Variants in PARD3 observed in about 807,000 individuals in gnomAD.
The protein encoded by PARD3 is par-3 family cell polarity regulator.
In PARD3, 75 loss-of-function variants were observed where a neutral mutation model predicts 155.4. That is an observed-to-expected ratio of 0.48 (90% CI 0.40 to 0.58). The LOEUF is 0.58. Ranked by LOEUF, PARD3 falls within the 20% of genes least tolerant of loss-of-function variation. The pLI is 0.00. For missense variants in PARD3, 1,642 were observed against 1,721.7 expected (o/e 0.95, Z 0.82); for synonymous variants, 576 against 610.5 (o/e 0.94, Z 0.83).
intron 1 of PARD3, among the ~76,000 whole-genome samples, chr10:34,760,351 A>G (rs1438712498): frequency 6.6e-6 from 1 of 152,024 alleles, no homozygotes; most frequent in Non-Finnish European, 1.5e-5. Flanking sequence ...GTTTGTTTTG[A>G]GACAGGGTCT....
At chr10:34,491,355 T>C (rs1281884177) in intron 3 of PARD3, among the ~76,000 whole-genome samples, 1 of 152,262 alleles carries the variant, frequency 6.6e-6, no homozygotes. Context: ...AGAAAAGATC[T>C]GAGGGATTTC....
intron 22 of PARD3, among the ~76,000 whole-genome samples, chr10:34,139,904 G>A (rs1536771): frequency 0.28 from 42,352 of 152,056 alleles, 6,278 homozygotes; most frequent in Non-Finnish European, 0.31. Flanking sequence ...AGAGAGGCAG[G>A]TAAACAACCT....
chr10:34,168,691 C>T (rs1446731279), intron 22 of PARD3, among the ~76,000 whole-genome samples: 1 of 152,174 alleles, frequency 6.6e-6, no homozygotes. Flanking sequence ...ACAGCTGTGT[C>T]CTGATGTTTT....
chr10:34,335,175 C>T lies in PARD3; in HGVS notation c.2605+1024G>A, dbSNP rs576122180. ...ACAAACAACTCAGTAAGGGATAAGGCTACGGTTAACTGCCGTGCAATACAG... is the reference window on the plus strand; with the variant it reads ...ACAAACAACTCAGTAAGGGATAAGGTTACGGTTAACTGCCGTGCAATACAG... On this transcript the variant is annotated intron_variant, in intron 18 of 24. Coordinates refer to ENST00000374788, the MANE Select transcript of PARD3 (RefSeq NM_001184785.2). Among the ~76,000 whole-genome samples the T allele has an allele frequency of 5.3e-5, 8 of 152,020 alleles. No individual in the cohort carries two copies. In the East Asian group the frequency reaches 1.5e-3, roughly 29 times the overall value.
At chr10:34,368,722 T>G (rs1419383478) in intron 12 of PARD3, among the ~76,000 whole-genome samples, 2 of 151,666 alleles carry the variant, frequency 1.3e-5, no homozygotes, top group Non-Finnish European at 2.9e-5. Flanking sequence ...GAGAAAGTAT[T>G]TGCAAAACTG....
At chr10:34,137,970 A>G (rs908851417) in intron 22 of PARD3, among the ~76,000 whole-genome samples, 1 of 152,212 alleles carries the variant, frequency 6.6e-6, no homozygotes. Flanking sequence ...AAACAGCATT[A>G]TGGGGGCTGT....
intron 2 of PARD3, among the ~76,000 whole-genome samples, chr10:34,519,013 C>A (rs2081962641): frequency 6.6e-6 from 1 of 152,004 alleles, no homozygotes; most frequent in Non-Finnish European, 1.5e-5. Context: ...GGTATTCTTG[C>A]CAAAAATGTA....
chr10:34,365,575 C>A (rs757043497), intron 12 of PARD3, among the ~76,000 whole-genome samples: 2 of 152,082 alleles, frequency 1.3e-5, no homozygotes, highest in Admixed American at 1.3e-4. Flanking sequence ...AATAGGTAGA[C>A]AAGAACATCT....
intron 3 of PARD3, among the ~76,000 whole-genome samples, chr10:34,508,033 C>T (rs1589817756): frequency 1.3e-5 from 2 of 151,914 alleles, no homozygotes; most frequent in Non-Finnish European, 2.9e-5. Context: ...GTTGGATATT[C>T]TAGAAAGACA....
intron 4 of PARD3, among the ~76,000 whole-genome samples, chr10:34,467,329 TTGTGTGTGTGTGTG>T: frequency 6.8e-6 from 1 of 147,088 alleles, no homozygotes; most frequent in East Asian, 2.0e-4. Flanking sequence ...TGACTCCAAC[TTGTGTGTGTGTGTG>T]TGTGTGTGTG....
intron 7 of PARD3, among the ~76,000 whole-genome samples, chr10:34,389,195 A>G (rs897009887): frequency 7.7e-6 from 1 of 130,170 alleles, no homozygotes; most frequent in Non-Finnish European, 1.5e-5. Context: ...AAAGTATGTT[A>G]CATGCATATT....
chr10:34,358,193 G>C (rs1032669245), intron 14 of PARD3, among the ~76,000 whole-genome samples: 1 of 152,086 alleles, frequency 6.6e-6, no homozygotes, highest in South Asian at 2.1e-4. Context: ...ATGGATCCAT[G>C]AAATTTAGCT....
At chr10:34,590,485 T>G (rs956259789) in intron 2 of PARD3, among the ~76,000 whole-genome samples, 1 of 152,202 alleles carries the variant, frequency 6.6e-6, no homozygotes, top group Non-Finnish European at 1.5e-5. Context: ...TGATTGCATT[T>G]TCATTGATTC....
At chr10:34,121,390 T>A (rs1338278445) in intron 23 of PARD3, among the ~76,000 whole-genome samples, 1 of 152,210 alleles carries the variant, frequency 6.6e-6, no homozygotes, top group Non-Finnish European at 1.5e-5. Context: ...CAGTTCCCCC[T>A]CTGTTATGCA....
intron 22 of PARD3, among the ~76,000 whole-genome samples, chr10:34,245,227 A>G (rs1416656843): frequency 6.6e-6 from 1 of 152,168 alleles, no homozygotes. Flanking sequence ...GGCATTGGAG[A>G]ATCAGGAGAG....
At chr10:34,184,690 G>A (rs1257325148) in intron 22 of PARD3, among the ~76,000 whole-genome samples, 1 of 126,108 alleles carries the variant, frequency 7.9e-6, no homozygotes, top group East Asian at 2.6e-4. Context: ...TGTGTTCCAG[G>A]CCTTTCGGTT....
chr10:34,472,666 A>C (rs922455936), intron 3 of PARD3, among the ~76,000 whole-genome samples: 3 of 152,226 alleles, frequency 2.0e-5, no homozygotes, highest in African/African-American at 7.2e-5. Context: ...TAAGTCTACA[A>C]GAGGCACTAT....
At chr10:34,399,475 CA>C in intron 6 of PARD3, 62 bp from the exon 7 acceptor site, 5 of 1,025,742 alleles carry the variant, frequency 4.9e-6, no homozygotes, top group Non-Finnish European at 7.7e-6. Context: ...AAAACCAAAA[CA>C]AAACAAAACA....
At chr10:34,235,557 TATGTGTTTATA>T (rs1224605306) in intron 22 of PARD3, among the ~76,000 whole-genome samples, 8 of 152,238 alleles carry the variant, frequency 5.3e-5, no homozygotes, top group Non-Finnish European at 8.8e-5. Context: ...CCAATTCATC[TATGTGTTTATA>T]AAACGCCACA....
Sources: gnomAD v4.1 joint callset for allele counts (sites outside exome capture counted in the v4.1 genomes callset) on GRCh38, gnomAD v4.1.1 for gene constraint, MANE v1.5 for transcripts, NCBI Gene and HGNC (gene_info 2026-07-23, HGNC 2026-07-21) for gene names.